MIER2: variants seen among roughly 807,000 people sequenced by gnomAD.
The protein encoded by MIER2 is mesoderm induction early response protein 2.
A neutral mutation model predicts 67.6 loss-of-function variants in MIER2; 30 were observed. The observed-to-expected ratio is 0.44, with a 90% CI of 0.33 to 0.60. The LOEUF (loss-of-function observed/expected upper bound fraction) is 0.60, where lower values mean the gene tolerates loss of function less well. Among genes scored for constraint, MIER2 ranks in the 20% least tolerant of loss-of-function variants. The pLI is 0.02. For missense variants in MIER2, 702 were observed against 745.1 expected (o/e 0.94, Z 0.67); for synonymous variants, 372 against 312.6 (o/e 1.19, Z -2.00).
chr19:314,016 AG>A (rs1971131346), intron 7 of MIER2, among the ~76,000 whole-genome samples: 1 of 152,196 alleles, frequency 6.6e-6, no homozygotes, highest in South Asian at 2.1e-4. Flanking sequence ...GGTTCTAAGT[AG>A]TGAGACCAGT....
rs561169959 is a variant in MIER2 at position 329,505 on chromosome 19, G to A, written c.244-1516C>T. Among the ~76,000 whole-genome samples, 22 of 152,294 alleles carry A rather than the reference G, an allele frequency of 1.4e-4. No individual in the cohort carries two copies. In the South Asian group the frequency reaches 3.7e-3, roughly 26 times the overall value. On this transcript the variant is annotated intron_variant, in intron 3 of 13. Coordinates refer to ENST00000264819, the MANE Select transcript of MIER2 (RefSeq NM_017550.3). ...GGCAGCCGGCAAGAGCCCAGTGCCCGTGGAAGCTGCAGCCAGTGCATCCCT... is the reference window on the plus strand; with the variant it reads ...GGCAGCCGGCAAGAGCCCAGTGCCCATGGAAGCTGCAGCCAGTGCATCCCT...
At chr19:306,997 G>A (rs953063217) in intron 13 of MIER2, 122 bp downstream of exon 13, 128 of 1,199,576 alleles carry the variant, frequency 1.1e-4, no homozygotes, top group African/African-American at 2.6e-4. Context: ...GAGCCTGCTC[G>A]TGGAGCCACA....
At chr19:341,206 C>T (rs1445951358) in intron 1 of MIER2, among the ~76,000 whole-genome samples, 1 of 152,222 alleles carries the variant, frequency 6.6e-6, no homozygotes, top group East Asian at 1.9e-4. Flanking sequence ...TGGCTTTCTA[C>T]TCCCGCAACC....
In MIER2 at chr19:307,144, CG is replaced by C; in HGVS notation, c.1590del (p.Leu532TyrfsTer11). Reference protein sequence around the residue: ...FLAAHPTCPAPGLHSEPLSHC... With the variant: ...FLAAHPTCPAXGLHSEPLSHC... ...TGTGACAGGGGCTCCGAGTGTAGCC[CG>C]GGGGCCGGGCACGTGGGGTGGGCGG... is the stretch of plus-strand genomic sequence containing the variant. On this transcript the variant is annotated frameshift_variant, in exon 13 of 14. Coordinates refer to ENST00000264819, the MANE Select transcript of MIER2 (RefSeq NM_017550.3). LOFTEE classifies it high-confidence loss of function. 4 of 1,586,116 alleles carry C rather than the reference CG, an allele frequency of 2.5e-6. No homozygotes were observed. Among genetic ancestry groups the C allele is most frequent in the Non-Finnish European group, 3.4e-6 (4 of 1,166,510 alleles).
chr19:308,485 A>AGGGCGCCAGGCAGGAG lies in MIER2; in HGVS notation c.1198+76_1198+91dup. The stretch of plus-strand genomic sequence containing the variant: ...CCTCCTGGCGAGGCTGGCCCAGCAC[A>AGGGCGCCAGGCAGGAG]GGGCGCCAGGCAGGAGAGGCTCCAC... On this transcript the variant is annotated intron_variant, in intron 12 of 13. Coordinates refer to ENST00000264819, the MANE Select transcript of MIER2 (RefSeq NM_017550.3). This position sits in a 1 kb window ranked among gnomAD's most constrained non-coding sequence, Gnocchi z 9.1. 1.5e-6 allele frequency: 2 copies of AGGGCGCCAGGCAGGAG among 1,348,452 alleles called. No homozygotes were observed. The highest frequency in any genetic ancestry group is 1.4e-5 in the South Asian group (1 of 73,674). 83.5% of individuals were successfully genotyped at this position (1,348,452 alleles called of 1,614,324 possible). A position where few individuals can be genotyped will look rare whatever the true frequency, so the allele number is the denominator to read the frequency against.
At chr19:309,002 C>A in intron 10 of MIER2, 77 bp from the exon 11 acceptor site, 2 of 1,547,308 alleles carry the variant, frequency 1.3e-6, no homozygotes, top group Non-Finnish European at 1.8e-6. Flanking sequence ...CCAGGACGTC[C>A]TGGGACCCCG....
At chr19:306,842 G>C (rs552669869) in intron 13 of MIER2, 131 bp from the exon 14 acceptor site, 1 of 1,427,666 alleles carries the variant, frequency 7.0e-7, no homozygotes. Context: ...AGCCGGGCCC[G>C]GGGTGCCCTG....
At chr19:342,989 AC>A (rs982019240) in intron 1 of MIER2, among the ~76,000 whole-genome samples, 1 of 152,022 alleles carries the variant, frequency 6.6e-6, no homozygotes, top group Non-Finnish European at 1.5e-5. Flanking sequence ...GTCCTAACCC[AC>A]CCACGTCTCT....
chr19:307,692 G>A lies in MIER2; in HGVS notation c.1199-156C>T, dbSNP rs548249709. 2.1e-4 allele frequency among the ~76,000 whole-genome samples: 32 copies of A among 152,278 alleles called. 1 individual carries two copies. Among genetic ancestry groups the A allele is most frequent in the Admixed American group, 8.5e-4 (13 of 15,302 alleles). ...AAAGACACCAGTTACACTGAAATCC[G>A]CGAGCCCCAGGTTAAGGGTCTCAGC... is the stretch of plus-strand genomic sequence containing the variant. On this transcript the variant is annotated intron_variant, in intron 12 of 13. Transcript: ENST00000264819.
At chr19:335,587 G>A (rs542124159) in intron 2 of MIER2, among the ~76,000 whole-genome samples, 48 of 152,210 alleles carry the variant, frequency 3.2e-4, no homozygotes, top group Non-Finnish European at 5.7e-4. Context: ...AACAGTCATA[G>A]AGACCCTTGC....
intron 10 of MIER2, among the ~76,000 whole-genome samples, chr19:310,691 A>G (rs1243629899): frequency 0.015 from 1,218 of 79,884 alleles, no homozygotes; most frequent in African/African-American, 0.032. Context: ...GCCCAGAGCT[A>G]TAGAAACACG....
intron 7 of MIER2, among the ~76,000 whole-genome samples, chr19:317,802 T>C (rs1040981185): frequency 6.6e-6 from 1 of 150,406 alleles, no homozygotes; most frequent in Non-Finnish European, 1.5e-5. Flanking sequence ...AAGAGCAAGA[T>C]GGTGGCATTA....
intron 1 of MIER2, among the ~76,000 whole-genome samples, chr19:338,170 CAAAAAAAAAAAAAAAAAA>C (rs34351754): frequency 3.6e-4 from 28 of 76,902 alleles, no homozygotes; most frequent in Admixed American, 1.8e-3. Flanking sequence ...GACTCCATCT[CAAAAAAAAAAAAAAAAAA>C]AAAAAAAAAA....
intron 7 of MIER2, among the ~76,000 whole-genome samples, chr19:314,322 G>A (rs578132161): frequency 5.7e-4 from 87 of 152,292 alleles, no homozygotes; most frequent in African/African-American, 1.9e-3. Context: ...ATTGGCTTTC[G>A]GCAAAGGGAG....
chr19:339,163 T>TGAAAG (rs1972390915), intron 1 of MIER2, among the ~76,000 whole-genome samples: 1 of 130,300 alleles, frequency 7.7e-6, no homozygotes, highest in Admixed American at 7.4e-5. Context: ...CCCAAGAAAG[T>TGAAAG]GAAAGGACAA....
chr19:325,773 C>T (rs1006787916), intron 6 of MIER2, 69 bp from the exon 7 acceptor site: 12 of 1,567,170 alleles, frequency 7.7e-6, no homozygotes, highest in Middle Eastern at 1.7e-4. Context: ...CTGGCTGCAG[C>T]GTGCTGTGGC....
chr19:344,161 G>T (rs901726537), intron 1 of MIER2: 1 of 985,312 alleles, frequency 1.0e-6, no homozygotes, highest in African/African-American at 1.7e-5. Context: ...TCTGAGATCA[G>T]CCCCGACGCT....
chr19:341,264 C>T (rs1038293867), intron 1 of MIER2, among the ~76,000 whole-genome samples: 1 of 152,280 alleles, frequency 6.6e-6, no homozygotes, highest in East Asian at 1.9e-4. Context: ...TCAAATGAGG[C>T]CCCAGTCTGG....
At chr19:324,789 C>T (rs1436201549) in intron 7 of MIER2, among the ~76,000 whole-genome samples, 1 of 152,210 alleles carries the variant, frequency 6.6e-6, no homozygotes, top group Admixed American at 6.5e-5. Flanking sequence ...GGGGGTGAGT[C>T]AGGGTGGGGA....
Sources: allele counts gnomAD v4.1 joint callset (sites outside exome capture counted in the v4.1 genomes callset), GRCh38; gene constraint gnomAD v4.1.1; non-coding constraint Gnocchi (gnomAD v3.1); transcripts MANE v1.5; gene names NCBI Gene and HGNC (gene_info 2026-07-23, HGNC 2026-07-21).